SEL1L3: variants seen among roughly 807,000 people sequenced by gnomAD.
The protein encoded by SEL1L3 is protein sel-1 homolog 3.
Under a neutral mutation model 142.8 loss-of-function variants are expected in SEL1L3, and 76 were observed. That is an observed-to-expected ratio of 0.53 (90% CI 0.44 to 0.64). The LOEUF (loss-of-function observed/expected upper bound fraction) is 0.64, where lower values mean the gene tolerates loss of function less well. SEL1L3 is among the 30% of genes least tolerant of loss of function. SEL1L3 has a pLI of 0.00. For synonymous variants in SEL1L3, 504 were observed against 519.6 expected (o/e 0.97, Z 0.41); for missense variants, 1,262 against 1,381.7 (o/e 0.91, Z 1.37).
intron 9 of SEL1L3, among the ~76,000 whole-genome samples, chr4:25,811,490 G>A (rs1480839642): frequency 2.0e-5 from 3 of 152,178 alleles, no homozygotes; most frequent in Non-Finnish European, 4.4e-5. Context: ...GTCTGGATTG[G>A]AGCTGCAGCT....
chr4:25,775,974 C>T (rs2109156895), intron 17 of SEL1L3, among the ~76,000 whole-genome samples: 1 of 152,140 alleles, frequency 6.6e-6, no homozygotes, highest in African/African-American at 2.4e-5. Flanking sequence ...TGTCTCCAGA[C>T]CAGACTCTAA....
rs968316488 is a variant in SEL1L3 at position 25,782,249 on chromosome 4, C to T, written c.2450G>A (p.Arg817Lys). 6.2e-7 allele frequency: 1 copy of T among 1,613,482 alleles called. No individual in the cohort carries two copies. The highest frequency in any genetic ancestry group is 1.3e-5 in the African/African-American group (1 of 74,998). Reference sequence around the variant, plus strand: ...GTCTCAAGTCCTACTCACTTGATTCCTTCCAGGAACTCCAGGGAAGATGCC... The same window carrying T: ...GTCTCAAGTCCTACTCACTTGATTCTTTCCAGGAACTCCAGGGAAGATGCC... ...LDGIFPGVPG[R>K]NQTLAGEYFH... The change falls in exon 15 of 24, where the codon AGG becomes AAG. Residue 817 changes from arginine to lysine, a missense_variant. Coordinates refer to ENST00000399878, the MANE Select transcript of SEL1L3 (RefSeq NM_015187.5).
intron 9 of SEL1L3, among the ~76,000 whole-genome samples, chr4:25,815,696 G>T (rs924142085): frequency 3.9e-5 from 6 of 151,966 alleles, no homozygotes; most frequent in Non-Finnish European, 7.4e-5. Context: ...GGGGCATGGG[G>T]CTTCGTCACC....
intron 2 of SEL1L3, among the ~76,000 whole-genome samples, chr4:25,836,216 T>A (rs1715805605): frequency 6.6e-6 from 1 of 152,168 alleles, no homozygotes; most frequent in Admixed American, 6.5e-5. Flanking sequence ...TCACAACAAA[T>A]CTTAAAGGGA....
intron 1 of SEL1L3, among the ~76,000 whole-genome samples, chr4:25,848,456 T>C (rs111632592): frequency 0.012 from 1,767 of 152,320 alleles, 40 homozygotes; most frequent in African/African-American, 0.04. Flanking sequence ...GCTCAGACGA[T>C]GGGCTGTGTT....
chr4:25,836,428 C>T lies in SEL1L3; in HGVS notation c.734-1105G>A, dbSNP rs554300583. 5.9e-5 allele frequency among the ~76,000 whole-genome samples: 9 copies of T among 152,194 alleles called. No individual in the cohort carries two copies. In the South Asian group the frequency reaches 1.9e-3, roughly 32 times the overall value. The stretch of plus-strand genomic sequence containing the variant: ...TTGGGAGGCCAAAGTGGGCAGATCA[C>T]TTGAGGTCAGGAGATCGAGACCAGC... On this transcript the variant is annotated intron_variant, in intron 2 of 23. Coordinates refer to ENST00000399878, the MANE Select transcript of SEL1L3 (RefSeq NM_015187.5).
chr4:25,744,566 C>T (rs570556968), downstream of SEL1L3, among the ~76,000 whole-genome samples: 39 of 152,184 alleles, frequency 2.6e-4, no homozygotes, highest in African/African-American at 9.1e-4. Flanking sequence ...GTTGGCCAGG[C>T]TGGTCTCAAA....
chr4:25,776,648 A>G, intron 16 of SEL1L3: 1 of 327,946 alleles, frequency 3.0e-6, no homozygotes, highest in South Asian at 3.2e-5. Context: ...ATCTCTACCA[A>G]GAGTTCTAGT....
At chr4:25,796,005 T>C (rs1712714120) in intron 11 of SEL1L3, among the ~76,000 whole-genome samples, 2 of 152,114 alleles carry the variant, frequency 1.3e-5, no homozygotes, top group South Asian at 4.1e-4. Context: ...CGTCCCAGCC[T>C]GACCAGTTCT....
At chr4:25,855,208 GT>G (rs1481505249) in intron 1 of SEL1L3, among the ~76,000 whole-genome samples, 1 of 152,252 alleles carries the variant, frequency 6.6e-6, no homozygotes, top group Non-Finnish European at 1.5e-5. Flanking sequence ...CTCAAGTCAT[GT>G]GTGTGGTTAT....
the SEL1L3 span, among the ~76,000 whole-genome samples, chr4:25,725,958 C>G: frequency 6.6e-6 from 1 of 151,890 alleles, no homozygotes; most frequent in Non-Finnish European, 1.5e-5. Flanking sequence ...TTATCAGCAG[C>G]GTCCTCGTGA....
At chr4:25,794,263 C>T (rs1431004410) in intron 11 of SEL1L3, among the ~76,000 whole-genome samples, 1 of 152,062 alleles carries the variant, frequency 6.6e-6, no homozygotes, top group Non-Finnish European at 1.5e-5. Context: ...AACATTTTTG[C>T]AACTTACCCA....
chr4:25,832,065 G>A lies in SEL1L3; in HGVS notation c.1098+930C>T, dbSNP rs148214697. Among the ~76,000 whole-genome samples the A allele has an allele frequency of 2.4e-3, 362 of 152,292 alleles. 1 individual carries two copies. Among genetic ancestry groups the A allele is most frequent in the Non-Finnish European group, 3.7e-3 (249 of 68,024 alleles). On this transcript the variant is annotated intron_variant, in intron 5 of 23. Transcript: ENST00000399878. ...TCTCACATACATAGGAAGCTAAAAT[G>A]TGGACCACCGCTATGTCACTGAACA...
chr4:25,777,081 A>T (rs1223889014), intron 16 of SEL1L3, among the ~76,000 whole-genome samples: 1 of 152,126 alleles, frequency 6.6e-6, no homozygotes, highest in Non-Finnish European at 1.5e-5. Context: ...ATACCCAATT[A>T]CATGCTGCTT....
the SEL1L3 span, among the ~76,000 whole-genome samples, chr4:25,731,868 T>A: frequency 6.6e-6 from 1 of 151,808 alleles, no homozygotes; most frequent in African/African-American, 2.4e-5. Flanking sequence ...AGGTCAGGGG[T>A]TTGAAACCAG....
chr4:25,829,334 A>G (rs1347707937), intron 6 of SEL1L3, among the ~76,000 whole-genome samples: 2 of 152,250 alleles, frequency 1.3e-5, no homozygotes, highest in Non-Finnish European at 2.9e-5. Context: ...ATTACATCCT[A>G]ATAAACTCAT....
the SEL1L3 span, among the ~76,000 whole-genome samples, chr4:25,724,516 C>A: frequency 3.2e-3 from 487 of 151,522 alleles, 3 homozygotes; most frequent in African/African-American, 0.01. Context: ...CCGAGGCAGG[C>A]GGATCACGAG....
At chr4:25,858,778 G>A (rs1717450113) in intron 1 of SEL1L3, among the ~76,000 whole-genome samples, 1 of 152,056 alleles carries the variant, frequency 6.6e-6, no homozygotes, top group Non-Finnish European at 1.5e-5. Context: ...TAGAGATGGG[G>A]TTTCACCATG....
At chr4:25,830,907 T>C (rs893623828) in intron 5 of SEL1L3, among the ~76,000 whole-genome samples, 4 of 152,262 alleles carry the variant, frequency 2.6e-5, no homozygotes, top group African/African-American at 9.6e-5. Context: ...ACCAACCATT[T>C]AAGTCACTTA....
Sources: allele counts gnomAD v4.1 joint callset (sites outside exome capture counted in the v4.1 genomes callset), GRCh38; gene constraint gnomAD v4.1.1; transcripts MANE v1.5; gene names NCBI Gene and HGNC (gene_info 2026-07-23, HGNC 2026-07-21).